ANKRD44: variants seen among roughly 807,000 people sequenced by gnomAD.
The protein encoded by ANKRD44 is serine/threonine-protein phosphatase 6 regulatory ankyrin repeat subunit B.
In ANKRD44, 35 loss-of-function variants were observed where a neutral mutation model predicts 116.0. The observed-to-expected ratio is 0.30, with a 90% CI of 0.23 to 0.40. The LOEUF (loss-of-function observed/expected upper bound fraction) is 0.40. Ranked by LOEUF, ANKRD44 falls within the 10% of genes least tolerant of loss-of-function variation. The pLI, the probability that ANKRD44 is intolerant of heterozygous loss-of-function variation, is 1.00. For synonymous variants in ANKRD44, 435 were observed against 461.8 expected, an observed-to-expected ratio of 0.94 and a Z score of 0.74; for missense variants, 1,014 against 1,242.6, an observed-to-expected ratio of 0.82 and a Z score of 2.77.
chr2:197,017,320 A>G (rs898433859), intron 17 of ANKRD44, among the ~76,000 whole-genome samples: 3 of 152,190 alleles, frequency 2.0e-5, no homozygotes, highest in Admixed American at 1.3e-4. Context: ...GAAGCTATCA[A>G]TGGTACTTAC....
intron 6 of ANKRD44, among the ~76,000 whole-genome samples, chr2:197,124,180 C>T (rs1271215763): frequency 2.0e-5 from 3 of 151,996 alleles, no homozygotes; most frequent in Non-Finnish European, 4.4e-5. Flanking sequence ...TTTTTAAATG[C>T]TAATGCTTGT....
At chr2:197,036,089 A>G (rs1456358064) in intron 16 of ANKRD44, among the ~76,000 whole-genome samples, 1 of 152,158 alleles carries the variant, frequency 6.6e-6, no homozygotes, top group African/African-American at 2.4e-5. Context: ...CAGCTATTAG[A>G]AGAATCTGTG....
intron 16 of ANKRD44, among the ~76,000 whole-genome samples, chr2:197,060,901 C>T (rs73049685): frequency 6.6e-6 from 1 of 152,142 alleles, no homozygotes; most frequent in Admixed American, 6.5e-5. Flanking sequence ...CTGTGTGTCT[C>T]TGTGTGTGTA....
At chr2:197,002,076 G>A (rs1345011803) in intron 21 of ANKRD44, among the ~76,000 whole-genome samples, 3 of 152,218 alleles carry the variant, frequency 2.0e-5, no homozygotes, top group Non-Finnish European at 4.4e-5. Flanking sequence ...GGTGAAGAGA[G>A]ACAGAGAAGA....
intron 1 of ANKRD44, among the ~76,000 whole-genome samples, chr2:197,200,926 C>A (rs868264143): frequency 3.4e-4 from 52 of 152,070 alleles, no homozygotes; most frequent in Middle Eastern, 3.4e-3. Context: ...TATTTAATAA[C>A]AAGTTTTAAA....
chr2:197,112,247 C>T (rs2078598440), intron 8 of ANKRD44, among the ~76,000 whole-genome samples: 5 of 152,174 alleles, frequency 3.3e-5, no homozygotes, highest in South Asian at 2.1e-4. Flanking sequence ...GATTAAAATA[C>T]GAGGTTTTAA....
At chr2:197,263,208 CAG>C (rs1276778143) in intron 1 of ANKRD44, 1 of 494,462 alleles carries the variant, frequency 2.0e-6, no homozygotes, top group East Asian at 4.7e-5. Flanking sequence ...CTGAAATGAC[CAG>C]AGACACTGAC....
chr2:197,168,119 G>T (rs1434496181), intron 2 of ANKRD44, among the ~76,000 whole-genome samples: 1 of 152,182 alleles, frequency 6.6e-6, no homozygotes, highest in East Asian at 1.9e-4. Context: ...GCCAGCATCA[G>T]CCACCGGACA....
At chr2:197,100,438 AAAAAAGAAAAAG>A (rs536380622) in intron 9 of ANKRD44, among the ~76,000 whole-genome samples, 21 of 152,276 alleles carry the variant, frequency 1.4e-4, no homozygotes, top group East Asian at 5.8e-4. Flanking sequence ...CCGTCTCAAA[AAAAAAGAAAAAG>A]AAAAAGAAAA....
intron 1 of ANKRD44, among the ~76,000 whole-genome samples, chr2:197,252,271 T>G (rs2082333201): frequency 6.6e-6 from 1 of 152,158 alleles, no homozygotes; most frequent in African/African-American, 2.4e-5. Context: ...CCTAAATATT[T>G]TTTCCCAAAC....
intron 1 of ANKRD44, among the ~76,000 whole-genome samples, chr2:197,259,999 CA>C (rs1223944902): frequency 1.3e-5 from 2 of 152,222 alleles, no homozygotes; most frequent in Admixed American, 6.5e-5. Context: ...TGACCTTGAG[CA>C]AAATCACTCA....
Position 196,993,593 on chromosome 2 carries a change from T to C in ANKRD44, c.2913A>G (p.Val971=), listed in dbSNP as rs1228509941. ...LLAKGACVLA[V]DENASRSNGP... ...ACTTTTTCCACTTACCATTTTCATC[T>C]ACAGCAAGTACACAGGCCCCTTTGG... The change falls in exon 27 of 28, where the codon GTA becomes GTG. Residue 971 remains valine (V), a synonymous_variant. Transcript: ENST00000282272. 2.2e-5 allele frequency: 34 copies of C among 1,550,710 alleles called. No homozygotes were observed. The East Asian group carries it at 8.1e-4, about 37-fold the overall frequency.
At chr2:197,215,306 C>T (rs1480813475) in intron 1 of ANKRD44, among the ~76,000 whole-genome samples, 1 of 152,186 alleles carries the variant, frequency 6.6e-6, no homozygotes, top group Non-Finnish European at 1.5e-5. Context: ...TACTGAACAA[C>T]ATTAGCCCAA....
At chr2:197,260,958 T>C (rs2082587710) in intron 1 of ANKRD44, among the ~76,000 whole-genome samples, 1 of 148,646 alleles carries the variant, frequency 6.7e-6, no homozygotes, top group Non-Finnish European at 1.5e-5. Flanking sequence ...TTTGAGTTCA[T>C]TGTAGATTCT....
intron 2 of ANKRD44, among the ~76,000 whole-genome samples, chr2:197,169,805 A>C (rs144374172): frequency 4.2e-4 from 64 of 152,308 alleles, no homozygotes; most frequent in African/African-American, 1.4e-3. Context: ...GCCACAGACT[A>C]TTCCAGAGAC....
chr2:196,985,150 T>C (rs572179878), downstream of ANKRD44, among the ~76,000 whole-genome samples: 2 of 152,306 alleles, frequency 1.3e-5, no homozygotes, highest in Admixed American at 6.5e-5. Context: ...ATCAAGGAAC[T>C]GAGGCCCTCA....
At chr2:196,973,387 T>C (rs2075729386) in intron 21 of ANKRD44, among the ~76,000 whole-genome samples, 1 of 152,138 alleles carries the variant, frequency 6.6e-6, no homozygotes, top group South Asian at 2.1e-4. Context: ...TTCTATCATT[T>C]GACTTTAACT....
chr2:197,123,468 T>C (rs1026153450), intron 6 of ANKRD44, among the ~76,000 whole-genome samples: 2 of 152,136 alleles, frequency 1.3e-5, no homozygotes, highest in East Asian at 3.9e-4. Context: ...CCATCTCTAC[T>C]AAAAATACAA....
intron 1 of ANKRD44, among the ~76,000 whole-genome samples, chr2:197,246,525 C>T (rs1452512836): frequency 2.0e-5 from 3 of 151,638 alleles, no homozygotes; most frequent in African/African-American, 7.3e-5. Flanking sequence ...ATCATTCTGC[C>T]CAGCCATCCC....
Sources: gnomAD v4.1 joint callset for allele counts (sites outside exome capture counted in the v4.1 genomes callset) on GRCh38, gnomAD v4.1.1 for gene constraint, MANE v1.5 for transcripts, NCBI Gene and HGNC (gene_info 2026-07-23, HGNC 2026-07-21) for gene names.